Variants in SASS6 observed in about 807,000 individuals in gnomAD.
The protein encoded by SASS6 is spindle assembly abnormal protein 6 homolog.
Under a neutral mutation model 94.9 loss-of-function variants are expected in SASS6, and 59 were observed. That is an observed-to-expected ratio of 0.62 (90% CI 0.50 to 0.77). The LOEUF is 0.77. Ranked by LOEUF, SASS6 falls within the 30% of genes least tolerant of loss-of-function variation. The probability of loss-of-function intolerance (pLI) is 0.00; values close to 1 mark genes in which losing one functional copy is unlikely to be tolerated. For synonymous variants in SASS6, 264 were observed against 270.0 expected (o/e 0.98, Z 0.22); for missense variants, 698 against 734.1 (o/e 0.95, Z 0.57).
chr1:100,113,631 A>T (rs1653556927), intron 7 of SASS6, among the ~76,000 whole-genome samples: 1 of 151,932 alleles, frequency 6.6e-6, no homozygotes, highest in Non-Finnish European at 1.5e-5. Context: ...CAAAAAAAAA[A>T]AGAAAATCAA....
chr1:100,125,969 C>T, intron 1 of SASS6, 27 bp from the exon 2 acceptor site: 1 of 1,210,172 alleles, frequency 8.3e-7, no homozygotes, highest in Non-Finnish European at 1.2e-6. Flanking sequence ...ACCCAACCAT[C>T]AGAAACATTC....
intron 7 of SASS6, among the ~76,000 whole-genome samples, chr1:100,114,549 A>T (rs978316815): frequency 6.7e-6 from 1 of 149,352 alleles, no homozygotes; most frequent in Admixed American, 6.6e-5. Context: ...AAAATAAAAT[A>T]AAAATAAAAA....
intron 1 of SASS6, among the ~76,000 whole-genome samples, chr1:100,131,429 T>G (rs1655014852): frequency 6.6e-6 from 1 of 152,224 alleles, no homozygotes; most frequent in African/African-American, 2.4e-5. Flanking sequence ...AATAATACAT[T>G]GTATTTAACC....
rs544225 is a variant in SASS6 at position 100,103,203 on chromosome 1, C to G, written c.1546-120G>C. On this transcript the variant is annotated intron_variant, in intron 13 of 16. Transcript: ENST00000287482. ...ATAATTAAGAGAGCACTATCTCAGA[C>G]GCCAGTCTTGTTTATCATGCCACAC... 355,730 of 603,874 alleles carry G rather than the reference C, an allele frequency of 0.59. 106,195 individuals are homozygous for G. Among genetic ancestry groups the G allele is most frequent in the East Asian group, 0.71 (24,073 of 33,906 alleles). 37.4% of individuals were successfully genotyped at this position (603,874 alleles called of 1,614,324 possible).
chr1:100,091,047 G>A (rs537413406), intron 14 of SASS6, among the ~76,000 whole-genome samples: 1 of 152,290 alleles, frequency 6.6e-6, no homozygotes, highest in East Asian at 1.9e-4. Flanking sequence ...GCTCACGCAT[G>A]TGATCCCAGC....
At chr1:100,131,214 A>G (rs2101699389) in intron 1 of SASS6, among the ~76,000 whole-genome samples, 1 of 150,892 alleles carries the variant, frequency 6.6e-6, no homozygotes, top group East Asian at 1.9e-4. Context: ...TTTCAGAGAC[A>G]GGATCTCGCT....
At chr1:100,107,332 A>C in intron 11 of SASS6, 42 bp downstream of exon 11, 1 of 1,314,460 alleles carries the variant, frequency 7.6e-7, no homozygotes, top group Non-Finnish European at 1.1e-6. Context: ...TAAAACGAGG[A>C]AAAAATTTAG....
intron 14 of SASS6, among the ~76,000 whole-genome samples, chr1:100,101,732 G>T (rs1652508131): frequency 6.6e-6 from 1 of 152,272 alleles, no homozygotes; most frequent in Non-Finnish European, 1.5e-5. Context: ...AGCAATGCAA[G>T]AAGAGCCAGT....
chr1:100,086,612 G>T (rs1048372481), intron 15 of SASS6, among the ~76,000 whole-genome samples: 6 of 151,492 alleles, frequency 4.0e-5, no homozygotes, highest in Non-Finnish European at 8.8e-5. Context: ...CAACTCCCAG[G>T]CTCAAGTGAT....
chr1:100,128,347 G>A (rs563948725), intron 1 of SASS6, among the ~76,000 whole-genome samples: 6 of 152,030 alleles, frequency 3.9e-5, no homozygotes, highest in Non-Finnish European at 8.8e-5. Context: ...GGTGTTTTAC[G>A]GTTTTAAAAG....
intron 6 of SASS6, among the ~76,000 whole-genome samples, chr1:100,119,344 C>T (rs1654006076): frequency 6.6e-6 from 1 of 152,158 alleles, no homozygotes; most frequent in Middle Eastern, 3.2e-3. Flanking sequence ...AAACGGCCCA[C>T]AGGTCAAGAT....
At chr1:100,090,096 C>A (rs1651572929) in intron 14 of SASS6, among the ~76,000 whole-genome samples, 1 of 150,966 alleles carries the variant, frequency 6.6e-6, no homozygotes, top group African/African-American at 2.4e-5. Flanking sequence ...AAAAGAAAGC[C>A]AAGAGTAAAT....
chr1:100,104,343 T>C (rs904570702), intron 13 of SASS6, among the ~76,000 whole-genome samples: 1 of 152,176 alleles, frequency 6.6e-6, no homozygotes, highest in Admixed American at 6.5e-5. Context: ...AATTGTTGTG[T>C]TCAACAGGAG....
Position 100,084,190 on chromosome 1 carries a change from A to G in SASS6, c.*1138T>C, listed in dbSNP as rs1044319401. ...AAGATTCTTTCTTACCATGGGACTCAGTAATGTTATTACATCAATATCTTG... is the reference window on the plus strand; with the variant it reads ...AAGATTCTTTCTTACCATGGGACTCGGTAATGTTATTACATCAATATCTTG... On this transcript the variant is annotated 3_prime_UTR_variant, in exon 17 of 17. Transcript: ENST00000287482. 8 of 151,992 alleles carry G rather than the reference A, an allele frequency of 5.3e-5. No individual in the cohort carries two copies. Among genetic ancestry groups the G allele is most frequent in the African/African-American group, 1.9e-4 (8 of 41,432 alleles). 9.4% of individuals were successfully genotyped at this position (151,992 alleles called of 1,614,324 possible).
intron 7 of SASS6, among the ~76,000 whole-genome samples, chr1:100,115,760 T>C (rs551750203): frequency 6.6e-6 from 1 of 152,086 alleles, no homozygotes; most frequent in South Asian, 2.1e-4. Flanking sequence ...GTTGAGGCTG[T>C]AGTGAGCCAT....
At chr1:100,124,706 G>A (rs1028284428) in intron 2 of SASS6, among the ~76,000 whole-genome samples, 1 of 152,140 alleles carries the variant, frequency 6.6e-6, no homozygotes, top group African/African-American at 2.4e-5. Flanking sequence ...TTAGTTCTCT[G>A]TTCCAGTGGC....
At chr1:100,096,038 T>C (rs1385596118) in intron 14 of SASS6, among the ~76,000 whole-genome samples, 1 of 152,188 alleles carries the variant, frequency 6.6e-6, no homozygotes, top group Non-Finnish European at 1.5e-5. Context: ...AACCATTTTG[T>C]AGAAATTGAG....
Position 100,085,193 on chromosome 1 carries a change from T to C in SASS6, c.*135A>G. On this transcript the variant is annotated 3_prime_UTR_variant, in exon 17 of 17. Coordinates refer to ENST00000287482, the MANE Select transcript of SASS6 (RefSeq NM_194292.3). The stretch of plus-strand genomic sequence containing the variant: ...ATATTATAAACTGCCATAAAAGCAG[T>C]ACTTAAAGTATCCAGTCTTTAACAG... 1 of 665,006 alleles carries C rather than the reference T, an allele frequency of 1.5e-6. No homozygotes were observed. The highest frequency in any genetic ancestry group is 1.9e-5 in the South Asian group (1 of 53,680). 41.2% of individuals were successfully genotyped at this position (665,006 alleles called of 1,614,324 possible).
At position 100,084,670 on chromosome 1, in the gene SASS6, C is replaced by T. The variant is rs1457451190; in HGVS notation, c.*658G>A. On this transcript the variant is annotated 3_prime_UTR_variant, in exon 17 of 17. Transcript: ENST00000287482. ...AAGCACTGAAGTTTTAAAAACTTGT[C>T]AGCTCAAATGACAAAAGCACTTAAT... 1 of 152,092 alleles carries T rather than the reference C, an allele frequency of 6.6e-6. No homozygotes were observed. Among genetic ancestry groups the T allele is most frequent in the Admixed American group, 6.6e-5 (1 of 15,264 alleles). 9.4% of individuals were successfully genotyped at this position (152,092 alleles called of 1,614,324 possible). A position where few individuals can be genotyped will look rare whatever the true frequency, so the allele number is the denominator to read the frequency against.
Sources: allele counts gnomAD v4.1 joint callset (sites outside exome capture counted in the v4.1 genomes callset), GRCh38; gene constraint gnomAD v4.1.1; transcripts MANE v1.5; gene names NCBI Gene and HGNC (gene_info 2026-07-23, HGNC 2026-07-21).